DAPK2: variants seen among roughly 807,000 people sequenced by gnomAD.
DAPK2 encodes the protein death associated protein kinase 2.
A neutral mutation model predicts 44.1 loss-of-function variants in DAPK2; 35 were observed. The ratio of observed to expected loss-of-function variants is 0.79; its 90% CI spans 0.61 to 1.05. DAPK2 has a LOEUF of 1.05. Ranked by LOEUF, DAPK2 falls within the 50% of genes least tolerant of loss-of-function variation. DAPK2 has a pLI of 0.00. For missense variants in DAPK2, 453 were observed against 483.2 expected (o/e 0.94, Z 0.59); for synonymous variants, 174 against 182.6 (o/e 0.95, Z 0.38).
chr15:63,987,590 C>T (rs950099767), intron 1 of DAPK2, among the ~76,000 whole-genome samples: 20 of 152,164 alleles, frequency 1.3e-4, no homozygotes, highest in African/African-American at 3.9e-4. Context: ...CCCGATTCCT[C>T]GTCCTAATCT....
intron 1 of DAPK2, among the ~76,000 whole-genome samples, chr15:64,018,766 G>A (rs1366813395): frequency 1.3e-5 from 2 of 152,242 alleles, no homozygotes; most frequent in Admixed American, 6.5e-5. Context: ...CCTGGATGGA[G>A]ACGCATGTAC....
rs78044427 is a variant in DAPK2, at chr15:64,022,154, C to G, written c.92+18016G>C. Among the ~76,000 whole-genome samples, 642 of 152,282 alleles carry G rather than the reference C, an allele frequency of 4.2e-3. 4 individuals are homozygous for G. Among genetic ancestry groups the G allele is most frequent in the African/African-American group, 0.014 (589 of 41,556 alleles). ...AGTACAATTTTCCTAGGGTAACCAT[C>G]CAAATGCTGGTTAGTATCAACAAGG... On this transcript the variant is annotated intron_variant, in intron 1 of 10. Coordinates refer to ENST00000261891, the Ensembl canonical transcript of DAPK2.
chr15:64,027,970 G>A (rs1232079106), intron 1 of DAPK2, among the ~76,000 whole-genome samples: 1 of 152,220 alleles, frequency 6.6e-6, no homozygotes, highest in East Asian at 1.9e-4. Flanking sequence ...ACAGGGGAAA[G>A]TTACCTGAAT....
chr15:63,913,149 A>T (rs1444577081), intron 8 of DAPK2, among the ~76,000 whole-genome samples: 1 of 152,202 alleles, frequency 6.6e-6, no homozygotes, highest in African/African-American at 2.4e-5. Context: ...TGTCCAGAAC[A>T]GACATATCCG....
rs74021244 is a variant in DAPK2 at position 64,038,574 on chromosome 15, C to T, written c.92+1596G>A. 8.2e-3 allele frequency among the ~76,000 whole-genome samples: 1,248 copies of T among 152,306 alleles called. 18 individuals carry two copies. The highest frequency in any genetic ancestry group is 0.028 in the African/African-American group (1,179 of 41,552). On this transcript the variant is annotated intron_variant, in intron 1 of 10. Coordinates refer to ENST00000261891, the Ensembl canonical transcript of DAPK2. ...CTCTGCAGTTATTTGCTCCCCCACC[C>T]ACCATCCAGTCAGCCAGGACTAACT... is the stretch of plus-strand genomic sequence containing the variant.
chr15:63,908,617 G>C lies in DAPK2; in HGVS notation c.1033-17C>G. On this transcript the variant is annotated splice_polypyrimidine_tract_variant and intron_variant, in intron 10 of 10. Transcript: ENST00000261891. This position sits in a 1 kb window ranked among gnomAD's most constrained non-coding sequence, Gnocchi z 5.7. Reference sequence around the variant, plus strand: ...ACAGTTCCTCTGGAGAAAAAAAAGAGAAAGAGGTCCAGGGCAGGAGGATCA... The same window carrying C: ...ACAGTTCCTCTGGAGAAAAAAAAGACAAAGAGGTCCAGGGCAGGAGGATCA... The C allele has an allele frequency of 6.3e-7, 1 of 1,578,842 alleles. No individual in the cohort carries two copies. The highest frequency in any genetic ancestry group is 8.6e-7 in the Non-Finnish European group (1 of 1,164,876).
chr15:64,030,299 A>C (rs2079975250), intron 1 of DAPK2, among the ~76,000 whole-genome samples: 1 of 151,898 alleles, frequency 6.6e-6, no homozygotes, highest in South Asian at 2.1e-4. Flanking sequence ...AAAACCAAAA[A>C]CCAAAAACCA....
At chr15:64,041,803 G>A (rs1041773277), upstream of DAPK2, among the ~76,000 whole-genome samples, 6 of 152,200 alleles carry the variant, frequency 3.9e-5, no homozygotes, top group African/African-American at 1.4e-4. Context: ...CACCACTTTA[G>A]CCCCCTGCAA....
At chr15:63,924,760 C>T in intron 8 of DAPK2, 56 bp downstream of exon 9, 2 of 1,602,698 alleles carry the variant, frequency 1.2e-6, no homozygotes, top group Non-Finnish European at 8.5e-7. Context: ...CCCAGGCCAA[C>T]CCTGGCGACA....
At chr15:64,018,441 G>A (rs567483910) in intron 1 of DAPK2, among the ~76,000 whole-genome samples, 101 of 152,292 alleles carry the variant, frequency 6.6e-4, no homozygotes, top group Admixed American at 9.1e-4. Flanking sequence ...AAGAAGGTGA[G>A]AGACCAACTC....
chr15:63,971,335 GCA>G (rs1160914290), intron 3 of DAPK2, 86 bp downstream of exon 4: 19 of 1,502,336 alleles, frequency 1.3e-5, no homozygotes, highest in Admixed American at 9.1e-5. Context: ...GGGCTGGTCG[GCA>G]CTGGGCCCAT....
intron 3 of DAPK2, among the ~76,000 whole-genome samples, chr15:63,959,015 C>T (rs1240592170): frequency 2.0e-5 from 3 of 152,118 alleles, no homozygotes; most frequent in African/African-American, 7.2e-5. Flanking sequence ...TTGTTTGTGT[C>T]CTCTTTTATT....
chr15:63,992,582 G>A (rs2078848455), intron 1 of DAPK2, among the ~76,000 whole-genome samples: 1 of 152,216 alleles, frequency 6.6e-6, no homozygotes. Context: ...TGGAGAGGCA[G>A]GGAGTGATAC....
chr15:63,983,546 G>A, exon 2 of DAPK2: 1 of 1,614,166 alleles, frequency 6.2e-7, no homozygotes, highest in Non-Finnish European at 8.5e-7. Context: ...TCAAGGATGA[G>A]CACCACGTCG....
intron 2 of DAPK2, among the ~76,000 whole-genome samples, chr15:63,981,089 CA>C (rs57421161): frequency 4.1e-3 from 569 of 137,414 alleles, no homozygotes; most frequent in African/African-American, 0.01. Context: ...GACTCCATCT[CA>C]AAAAAAAAAA....
At chr15:63,994,067 A>G (rs2078884501) in intron 1 of DAPK2, among the ~76,000 whole-genome samples, 1 of 152,202 alleles carries the variant, frequency 6.6e-6, no homozygotes, top group Admixed American at 6.5e-5. Context: ...CTTCATGGCC[A>G]GGAAAATGCT....
chr15:63,929,822 C>T (rs577928249), intron 5 of DAPK2: 86 of 657,812 alleles, frequency 1.3e-4, no homozygotes, highest in Non-Finnish European at 2.2e-4. Context: ...CCTGCACTTG[C>T]AGGCTGTGTG....
intron 1 of DAPK2, among the ~76,000 whole-genome samples, chr15:64,036,340 T>TATATATAC (rs2080207643): frequency 4.4e-4 from 53 of 119,712 alleles, no homozygotes; most frequent in African/African-American, 1.5e-3. Flanking sequence ...TATATATACA[T>TATATATAC]ATATATATAT....
intron 1 of DAPK2, among the ~76,000 whole-genome samples, chr15:64,002,950 G>GGTGGGACC (rs2079124070): frequency 7.4e-6 from 1 of 134,604 alleles, no homozygotes; most frequent in African/African-American, 2.8e-5. Context: ...GTGTGTGTGT[G>GGTGGGACC]TGTGTGTGTG....
Sources: allele counts gnomAD v4.1 joint callset (sites outside exome capture counted in the v4.1 genomes callset), GRCh38; gene constraint gnomAD v4.1.1; non-coding constraint Gnocchi (gnomAD v3.1); transcripts MANE v1.5; gene names NCBI Gene and HGNC (gene_info 2026-07-23, HGNC 2026-07-21).